ACTL8: variants seen among roughly 807,000 people sequenced by gnomAD.
ACTL8 encodes the protein actin-like protein 8.
A neutral mutation model predicts 9.3 loss-of-function variants in ACTL8; 3 were observed. That is an observed-to-expected ratio of 0.32 (90% CI 0.15 to 0.83). The LOEUF (loss-of-function observed/expected upper bound fraction) is 0.83, where lower values mean the gene tolerates loss of function less well. Among genes scored for constraint, ACTL8 ranks in the 40% least tolerant of loss-of-function variants. ACTL8 has a pLI of 0.57. For synonymous variants in ACTL8, 224 were observed against 205.9 expected (o/e 1.09, Z -0.75); for missense variants, 381 against 492.2 (o/e 0.77, Z 2.14).
At chr1:17,777,304 G>A (rs184731834) in intron 1 of ACTL8, among the ~76,000 whole-genome samples, 21 of 152,180 alleles carry the variant, frequency 1.4e-4, no homozygotes, top group African/African-American at 4.6e-4. Context: ...TGTTTACATC[G>A]TAGAAATGCT....
chr1:17,808,217 C>T (rs1224966570), intron 1 of ACTL8, among the ~76,000 whole-genome samples: 1 of 152,152 alleles, frequency 6.6e-6, no homozygotes, highest in African/African-American at 2.4e-5. Context: ...CTTGTGTGTG[C>T]AAACATTGCA....
chr1:17,818,492 C>T (rs910803867), intron 1 of ACTL8, among the ~76,000 whole-genome samples: 5 of 152,238 alleles, frequency 3.3e-5, no homozygotes, highest in African/African-American at 1.2e-4. Flanking sequence ...TTGCAAGGCC[C>T]TTCTCAGATC....
In ACTL8 at chr1:17,764,581, C is replaced by CG. The variant is rs201922502; in HGVS notation, c.-25+9077_-25+9078insG. On this transcript the variant is annotated intron_variant, in intron 1 of 2. Coordinates refer to ENST00000375406, the MANE Select transcript of ACTL8 (RefSeq NM_030812.3). ...AGCAGCCTAAGCTTCTGGGCACCCC[C>CG]CCACAGCATCTCTCATCCTGATGCC... 1.6e-3 allele frequency among the ~76,000 whole-genome samples: 251 copies of CG among 152,164 alleles called. 1 individual carries two copies. Among genetic ancestry groups the CG allele is most frequent in the Non-Finnish European group, 2.9e-3 (196 of 67,984 alleles).
intron 1 of ACTL8, among the ~76,000 whole-genome samples, chr1:17,773,557 A>G (rs2066097799): frequency 1.3e-5 from 2 of 152,196 alleles, no homozygotes; most frequent in Admixed American, 1.3e-4. Context: ...GCAGCTTTGT[A>G]TCAGGATTGA....
intron 1 of ACTL8, among the ~76,000 whole-genome samples, chr1:17,815,504 G>A (rs1367431940): frequency 2.0e-5 from 3 of 151,482 alleles, no homozygotes; most frequent in Non-Finnish European, 4.4e-5. Context: ...TTTTCCCCTG[G>A]TGGGAAGTCT....
At chr1:17,781,766 C>G (rs899685690) in intron 1 of ACTL8, among the ~76,000 whole-genome samples, 1 of 152,118 alleles carries the variant, frequency 6.6e-6, no homozygotes, top group South Asian at 2.1e-4. Flanking sequence ...TAGATCCATA[C>G]GTAAAATCCC....
At chr1:17,809,664 C>G (rs1418142376) in intron 1 of ACTL8, among the ~76,000 whole-genome samples, 1 of 151,932 alleles carries the variant, frequency 6.6e-6, no homozygotes, top group Non-Finnish European at 1.5e-5. Context: ...TGTGAGGGAT[C>G]TAGGTTGCGT....
rs1263680817 is a variant in ACTL8 at position 17,800,370 on chromosome 1, GT to G, written c.-24-22613del. On this transcript the variant is annotated intron_variant, in intron 1 of 2. Transcript: ENST00000375406. The stretch of plus-strand genomic sequence containing the variant: ...GTTATTGCTAGGGCAAAAGAATGCT[GT>G]TAATTTTTAAGTTGGTCACTTTGAA... Among the ~76,000 whole-genome samples the G allele has an allele frequency of 2.6e-5, 4 of 152,148 alleles. No homozygotes were observed. In the South Asian group the frequency reaches 8.3e-4, roughly 32 times the overall value.
At chr1:17,802,268 G>A (rs111619007) in intron 1 of ACTL8, among the ~76,000 whole-genome samples, 132 of 152,290 alleles carry the variant, frequency 8.7e-4, no homozygotes, top group African/African-American at 2.9e-3. Flanking sequence ...TCCACGGTGT[G>A]TGGATTCAGG....
At chr1:17,761,045 C>T (rs1480125928) in intron 1 of ACTL8, among the ~76,000 whole-genome samples, 22 of 151,928 alleles carry the variant, frequency 1.4e-4, no homozygotes, top group Admixed American at 1.3e-3. Context: ...CAGAATGTGG[C>T]CAGACTGGTG....
intron 1 of ACTL8, among the ~76,000 whole-genome samples, chr1:17,802,989 AAAAAT>A (rs2066334213): frequency 6.6e-6 from 1 of 152,158 alleles, no homozygotes; most frequent in Admixed American, 6.5e-5. Context: ...TTTCAAAAAT[AAAAAT>A]AAAATAACAA....
intron 1 of ACTL8, among the ~76,000 whole-genome samples, chr1:17,807,320 A>G (rs932619191): frequency 6.6e-6 from 1 of 152,142 alleles, no homozygotes; most frequent in East Asian, 1.9e-4. Context: ...GAGAAACAAG[A>G]CGGCTGACAG....
chr1:17,817,151 G>C (rs1413627907), intron 1 of ACTL8, among the ~76,000 whole-genome samples: 4 of 150,278 alleles, frequency 2.7e-5, no homozygotes, highest in African/African-American at 9.8e-5. Flanking sequence ...CTTCATCCTG[G>C]TGAGCATCAG....
chr1:17,802,860 C>A (rs558942751), intron 1 of ACTL8, among the ~76,000 whole-genome samples: 1 of 152,214 alleles, frequency 6.6e-6, no homozygotes, highest in South Asian at 2.1e-4. Flanking sequence ...TGGTGGGCAC[C>A]TGTAATCCCA....
At chr1:17,806,062 C>T (rs1364004745) in intron 1 of ACTL8, among the ~76,000 whole-genome samples, 2 of 152,322 alleles carry the variant, frequency 1.3e-5, no homozygotes, top group East Asian at 1.9e-4. Flanking sequence ...CCTCCTTTTC[C>T]TCCTCTTTCT....
chr1:17,798,480 G>C (rs1038479873), intron 1 of ACTL8, among the ~76,000 whole-genome samples: 1 of 152,144 alleles, frequency 6.6e-6, no homozygotes, highest in Non-Finnish European at 1.5e-5. Flanking sequence ...CAGATGCTGG[G>C]CTTGGAGAAG....
intron 1 of ACTL8, among the ~76,000 whole-genome samples, chr1:17,776,969 ATTTTTTTT>A (rs765972298): frequency 0.05 from 2,525 of 50,186 alleles, 63 homozygotes; most frequent in Admixed American, 0.076. Flanking sequence ...CTGGCTAATG[ATTTTTTTT>A]TTTTTTTTTT....
Position 17,822,970 on chromosome 1 carries a change from C to A in ACTL8, c.-24-15C>A. The A allele has an allele frequency of 6.4e-7, 1 of 1,569,770 alleles. No homozygotes were observed. Among genetic ancestry groups the A allele is most frequent in the South Asian group, 1.2e-5 (1 of 84,392 alleles). ...AGGCTGCCTGCACAACTAACCCCATCCTTTGCTTCCGCAGGTCCCACCCAC... is the reference window on the plus strand; with the variant it reads ...AGGCTGCCTGCACAACTAACCCCATACTTTGCTTCCGCAGGTCCCACCCAC... On this transcript the variant is annotated splice_polypyrimidine_tract_variant and intron_variant, in intron 1 of 2. Transcript: ENST00000375406.
chr1:17,812,506 T>G lies in ACTL8; in HGVS notation c.-24-10479T>G, dbSNP rs189802888. Among the ~76,000 whole-genome samples, 241 of 148,086 alleles carry G rather than the reference T, an allele frequency of 1.6e-3. 3 individuals are homozygous for G. Among genetic ancestry groups the G allele is most frequent in the Middle Eastern group, 3.5e-3 (1 of 288 alleles). On this transcript the variant is annotated intron_variant, in intron 1 of 2. Transcript: ENST00000375406. Reference sequence around the variant, plus strand: ...GTGCAATGGCGCAATCTCAGCTCACTGCAACCTCCGCCTCCCGGGCTCAAG... The same window carrying G: ...GTGCAATGGCGCAATCTCAGCTCACGGCAACCTCCGCCTCCCGGGCTCAAG...
Sources: gnomAD v4.1 joint callset for allele counts (sites outside exome capture counted in the v4.1 genomes callset) on GRCh38, gnomAD v4.1.1 for gene constraint, MANE v1.5 for transcripts, NCBI Gene and HGNC (gene_info 2026-07-23, HGNC 2026-07-21) for gene names.